Variants in CAMSAP2 observed in about 807,000 individuals in gnomAD.
CAMSAP2 encodes calmodulin regulated spectrin associated protein family member 2, also known as calmodulin-regulated spectrin-associated protein 2.
In CAMSAP2, 26 loss-of-function variants were observed where a neutral mutation model predicts 146.1. That is an observed-to-expected ratio of 0.18 (90% confidence interval 0.13 to 0.25). The LOEUF (loss-of-function observed/expected upper bound fraction) is 0.25. CAMSAP2 is among the 10% of genes least tolerant of loss of function. The pLI, the probability that CAMSAP2 is intolerant of heterozygous loss-of-function variation, is 1.00. For missense variants in CAMSAP2, 1,381 were observed against 1,759.3 expected, an observed-to-expected ratio of 0.78 and a Z score of 3.85; for synonymous variants, 499 against 596.6, an observed-to-expected ratio of 0.84 and a Z score of 2.38.
rs1553291368 is a variant in CAMSAP2, at chr1:200,832,662, C to A, written c.788-44C>A. 2 of 1,476,474 alleles carry A rather than the reference C, an allele frequency of 1.4e-6. No homozygotes were observed. Among genetic ancestry groups the A allele is most frequent in the South Asian group, 2.8e-5 (2 of 72,414 alleles). The allele number at this position is 1,476,474 out of a possible 1,614,324, so 91.5% of individuals were successfully genotyped here. A position where few individuals can be genotyped will look rare whatever the true frequency, so the allele number is the denominator to read the frequency against. ...AAGATGGATATGAAATATTTATTAT[C>A]AAATTAATCCAAAGTCACCACCTTG... On this transcript the variant is annotated intron_variant, in intron 5 of 16. Coordinates refer to ENST00000358823, the MANE Select transcript of CAMSAP2 (RefSeq NM_203459.4). This position sits in a 1 kb window ranked among gnomAD's most constrained non-coding sequence, Gnocchi z 4.2.
In CAMSAP2 at chr1:200,794,702, A is replaced by G. The variant is rs531612922; in HGVS notation, c.400-12674A>G. ...TGTATTGCCTCCTGTGCCTGCCTTA[A>G]TCTGGCTCTGCTGGCTGAGATCCAT... On this transcript the variant is annotated intron_variant, in intron 2 of 16. Transcript: ENST00000358823. Among the ~76,000 whole-genome samples, 3 of 152,282 alleles carry G rather than the reference A, an allele frequency of 2.0e-5. No individual in the cohort carries two copies. In the South Asian group the frequency reaches 6.2e-4, roughly 32 times the overall value.
At chr1:200,761,844 A>T (rs1189340998) in intron 2 of CAMSAP2, among the ~76,000 whole-genome samples, 2 of 152,262 alleles carry the variant, frequency 1.3e-5, no homozygotes, top group African/African-American at 4.8e-5. Context: ...CTTGTAGACA[A>T]CACACACAGA....
chr1:200,758,042 A>T (rs1163427554), intron 1 of CAMSAP2, among the ~76,000 whole-genome samples: 1 of 152,216 alleles, frequency 6.6e-6, no homozygotes, highest in Non-Finnish European at 1.5e-5. Flanking sequence ...CCTGGGCAAG[A>T]TGTCCTTTCT....
Position 200,848,704 on chromosome 1 carries a change from A to G in CAMSAP2, c.1935A>G (p.Lys645=). The G allele has an allele frequency of 6.2e-7, 1 of 1,614,106 alleles. No individual in the cohort carries two copies. The highest frequency in any genetic ancestry group is 8.5e-7 in the Non-Finnish European group (1 of 1,179,982). Residue 645 remains lysine, a synonymous_variant, in exon 11 of 17, where the codon AAA becomes AAG. Transcript: ENST00000358823. ...SLDSDMDDAS[K]FLQDYDIRTG... The stretch of plus-strand genomic sequence containing the variant: ...ACTCTGACATGGATGATGCATCTAA[A>G]TTTCTTCAGGATTATGATATTCGAA...
At chr1:200,836,362 A>G (rs535043396) in intron 6 of CAMSAP2, among the ~76,000 whole-genome samples, 1 of 152,088 alleles carries the variant, frequency 6.6e-6, no homozygotes, top group Non-Finnish European at 1.5e-5. Flanking sequence ...TTGTTTCTGC[A>G]TTAGTTTGCT....
chr1:200,746,643 G>T (rs1398638857), intron 1 of CAMSAP2, among the ~76,000 whole-genome samples: 1 of 150,132 alleles, frequency 6.7e-6, no homozygotes, highest in Non-Finnish European at 1.5e-5. Context: ...TTTTGAGACG[G>T]AGTCTTGCCC....
rs191894330 is a variant in CAMSAP2, at chr1:200,813,120, C to T, written c.562-2441C>T. On this transcript the variant is annotated intron_variant, in intron 3 of 16. Transcript: ENST00000358823. ...CATAGTTCTGAAAGCTGGGAATTCC[C>T]AGATCAAGGTGCCAGCAGATTCAGT... Among the ~76,000 whole-genome samples, 294 of 152,326 alleles carry T rather than the reference C, an allele frequency of 1.9e-3. 1 individual carries two copies. The highest frequency in any genetic ancestry group is 6.8e-3 in the Middle Eastern group (2 of 294).
chr1:200,789,585 T>A (rs1468993233), intron 2 of CAMSAP2, among the ~76,000 whole-genome samples: 4 of 152,196 alleles, frequency 2.6e-5, no homozygotes, highest in Non-Finnish European at 5.9e-5. Flanking sequence ...GCTTTGAAGG[T>A]GGGTAGCATC....
chr1:200,810,467 T>G (rs1358310869), intron 3 of CAMSAP2, among the ~76,000 whole-genome samples: 2 of 151,788 alleles, frequency 1.3e-5, no homozygotes, highest in Non-Finnish European at 2.9e-5. Flanking sequence ...TCCCAGCTAC[T>G]TGGGAGGCTG....
At chr1:200,807,207 G>A (rs1360197720) in intron 2 of CAMSAP2, among the ~76,000 whole-genome samples, 169 bp from the exon 3 acceptor site, 1 of 152,138 alleles carries the variant, frequency 6.6e-6, no homozygotes, top group Non-Finnish European at 1.5e-5. Flanking sequence ...AAATTAGTTT[G>A]GGTCAGTTAG....
intron 2 of CAMSAP2, among the ~76,000 whole-genome samples, chr1:200,771,681 A>G (rs921790274): frequency 6.6e-6 from 1 of 152,190 alleles, no homozygotes; most frequent in African/African-American, 2.4e-5. Context: ...AAGAAATCAG[A>G]TGTAAGATGG....
rs759376296 is a variant in CAMSAP2 at position 200,848,223 on chromosome 1, G to A, written c.1454G>A (p.Ser485Asn). 3.2e-5 allele frequency: 52 copies of A among 1,613,690 alleles called. No individual in the cohort carries two copies. The highest frequency in any genetic ancestry group is 3.1e-5 in the Non-Finnish European group (37 of 1,179,846). Reference sequence around the variant, plus strand: ...ATAAATGGAGAAGAGGAAGCAGAGAGCATTGAAGAAGAACTTAATATAGAT... The same window carrying A: ...ATAAATGGAGAAGAGGAAGCAGAGAACATTGAAGAAGAACTTAATATAGAT... ...KPINGEEEAE[S>N]IEEELNIDSH... The change falls in exon 11 of 17, where the codon AGC becomes AAC. Residue 485 changes from serine to asparagine, a missense_variant. Ser to Asn is a conservative substitution (Grantham distance 46). Transcript: ENST00000358823.
intron 2 of CAMSAP2, among the ~76,000 whole-genome samples, chr1:200,801,239 GGAGA>G (rs1666028877): frequency 6.6e-6 from 1 of 151,636 alleles, no homozygotes; most frequent in Admixed American, 6.6e-5. Context: ...ACTCCAGCCT[GGAGA>G]CAGAGCAAGA....
chr1:200,832,398 G>A lies in CAMSAP2; in HGVS notation c.787+57G>A. 1 of 1,513,148 alleles carries A rather than the reference G, an allele frequency of 6.6e-7. No individual in the cohort carries two copies. The highest frequency in any genetic ancestry group is 8.9e-7 in the Non-Finnish European group (1 of 1,126,800). 93.7% of individuals were successfully genotyped at this position (1,513,148 alleles called of 1,614,324 possible). Reference sequence around the variant, plus strand: ...TAGACAGATAGTAACCAATATTTAAGACAGTATTATTTTGCACTCCAGCCT... The same window carrying A: ...TAGACAGATAGTAACCAATATTTAAAACAGTATTATTTTGCACTCCAGCCT... On this transcript the variant is annotated intron_variant, in intron 5 of 16. Coordinates refer to ENST00000358823, the MANE Select transcript of CAMSAP2 (RefSeq NM_203459.4). The surrounding 1 kb of genome is among the most constrained non-coding windows in gnomAD (Gnocchi z 4.2).
chr1:200,841,981 A>T lies in CAMSAP2; in HGVS notation c.928-13A>T, dbSNP rs775258693. 6.3e-7 allele frequency: 1 copy of T among 1,589,754 alleles called. No individual in the cohort carries two copies. Among genetic ancestry groups the T allele is most frequent in the Non-Finnish European group, 8.6e-7 (1 of 1,159,632 alleles). ...TTACCTAATGTAGGCTTTCTCTTAA[A>T]TTTCCTATATAGAGTAATTATTTGG... On this transcript the variant is annotated splice_polypyrimidine_tract_variant and intron_variant, in intron 6 of 16. Transcript: ENST00000358823.
At chr1:200,843,123 A>G (rs1026943489) in intron 7 of CAMSAP2, among the ~76,000 whole-genome samples, 11 of 152,148 alleles carry the variant, frequency 7.2e-5, no homozygotes, top group African/African-American at 2.7e-4. Context: ...TGCCCTACCC[A>G]ACGCAACACA....
intron 1 of CAMSAP2, among the ~76,000 whole-genome samples, chr1:200,751,216 G>A (rs1571714585): frequency 6.6e-6 from 1 of 150,542 alleles, no homozygotes; most frequent in Non-Finnish European, 1.5e-5. Flanking sequence ...TATATATAAC[G>A]TGTGTGTGTG....
At chr1:200,798,702 A>G (rs201502250) in intron 2 of CAMSAP2, among the ~76,000 whole-genome samples, 11,785 of 136,816 alleles carry the variant, frequency 0.086, 428 homozygotes, top group East Asian at 0.15. Context: ...TTCCAACACT[A>G]TGTTGAATAG....
At chr1:200,786,630 C>T (rs1435884995) in intron 2 of CAMSAP2, among the ~76,000 whole-genome samples, 2 of 152,222 alleles carry the variant, frequency 1.3e-5, no homozygotes, top group African/African-American at 4.8e-5. Flanking sequence ...GATCCACCAA[C>T]CTCAGCCTTT....
Sources: allele counts gnomAD v4.1 joint callset (sites outside exome capture counted in the v4.1 genomes callset), GRCh38; gene constraint gnomAD v4.1.1; non-coding constraint Gnocchi (gnomAD v3.1); transcripts MANE v1.5; gene names NCBI Gene and HGNC (gene_info 2026-07-23, HGNC 2026-07-21).